Variants in TSHR observed in about 807,000 individuals in gnomAD.
The protein encoded by TSHR is thyrotropin receptor.
Under a neutral mutation model 64.1 loss-of-function variants are expected in TSHR, and 51 were observed. That is an observed-to-expected ratio of 0.80 (90% CI 0.64 to 1.01). TSHR has a LOEUF of 1.01. TSHR is among the 50% of genes least tolerant of loss of function. The pLI is 0.00. For missense variants in TSHR, 877 were observed against 942.8 expected, an observed-to-expected ratio of 0.93 and a Z score of 0.91; for synonymous variants, 361 against 361.9, an observed-to-expected ratio of 1.00 and a Z score of 0.03.
At chr14:81,000,485 T>G (rs1252560134) in intron 1 of TSHR, among the ~76,000 whole-genome samples, 1 of 152,130 alleles carries the variant, frequency 6.6e-6, no homozygotes, top group Non-Finnish European at 1.5e-5. Context: ...CTGGGATCCT[T>G]GTGGCCTGAA....
At chr14:81,013,260 G>A (rs921923044) in intron 1 of TSHR, 12 of 152,138 alleles carry the variant, frequency 7.9e-5, no homozygotes, top group African/African-American at 1.9e-4. Flanking sequence ...GTAGATATGC[G>A]GCGTTATTTC....
At chr14:80,974,129 C>T (rs865950528) in intron 1 of TSHR, among the ~76,000 whole-genome samples, 13 of 152,138 alleles carry the variant, frequency 8.5e-5, no homozygotes, top group Non-Finnish European at 1.3e-4. Context: ...ATTACTAATG[C>T]GGTGGTAGGT....
intron 3 of TSHR, chr14:81,087,684 A>G (rs1307383050): frequency 1.3e-5 from 6 of 457,938 alleles, no homozygotes; most frequent in Non-Finnish European, 2.4e-5. Context: ...TTCTGATACT[A>G]CAATTAAGAA....
chr14:81,064,214 C>G (rs1179902210), intron 2 of TSHR, among the ~76,000 whole-genome samples: 1 of 151,898 alleles, frequency 6.6e-6, no homozygotes, highest in Non-Finnish European at 1.5e-5. Flanking sequence ...TGATGCAGTG[C>G]CCAAAGTACA....
intron 3 of TSHR, among the ~76,000 whole-genome samples, chr14:81,075,699 A>G (rs1165005602): frequency 1.4e-5 from 2 of 140,142 alleles, no homozygotes; most frequent in South Asian, 4.5e-4. Context: ...TGTTGGTGGG[A>G]CTGTAAACTA....
intron 1 of TSHR, among the ~76,000 whole-genome samples, chr14:81,056,765 C>T (rs1885836113): frequency 6.6e-6 from 1 of 152,146 alleles, no homozygotes; most frequent in Non-Finnish European, 1.5e-5. Flanking sequence ...TACATAATAA[C>T]TCACAAATCC....
chr14:81,046,912 C>T (rs1337452445), intron 1 of TSHR, among the ~76,000 whole-genome samples: 2 of 152,102 alleles, frequency 1.3e-5, no homozygotes, highest in African/African-American at 4.8e-5. Context: ...AACAGAATAA[C>T]ATCATTAAAG....
intron 1 of TSHR, among the ~76,000 whole-genome samples, chr14:81,054,402 G>A (rs992399816): frequency 1.3e-5 from 2 of 152,216 alleles, no homozygotes; most frequent in Admixed American, 1.3e-4. Flanking sequence ...CTGGGAATGG[G>A]TTGCTGCTGA....
intron 1 of TSHR, among the ~76,000 whole-genome samples, chr14:81,058,544 GT>G (rs1187861508): frequency 6.6e-6 from 1 of 152,020 alleles, no homozygotes; most frequent in Admixed American, 6.6e-5. Flanking sequence ...ATGAGGTGAG[GT>G]TTTTTTCTCA....
chr14:80,973,403 C>CAAAAAGAAAAAAAAAAAAAAAAAAA (rs1887688249), intron 1 of TSHR, among the ~76,000 whole-genome samples: 1 of 51,470 alleles, frequency 1.9e-5, no homozygotes, highest in Non-Finnish European at 3.7e-5. Context: ...GACGCTGTCT[C>CAAAAAGAAAAAAAAAAAAAAAAAAA]AAAAAAAAAA....
intron 8 of TSHR, among the ~76,000 whole-genome samples, chr14:81,117,505 G>C: frequency 7.7e-6 from 1 of 129,834 alleles, no homozygotes; most frequent in South Asian, 2.7e-4. Context: ...TCTCTGAATA[G>C]ACCAATAACA....
rs1341841069 is a variant in TSHR, at chr14:81,144,416, A to C, written c.*63A>C. ...CAAAATAATAGTTTCTTGAATATGC[A>C]TTCCAATCCCATGACACCCCCAACA... On this transcript the variant is annotated 3_prime_UTR_variant, in exon 10 of 10. Transcript: ENST00000298171. The C allele has an allele frequency of 6.5e-6, 10 of 1,545,174 alleles. No individual in the cohort carries two copies. Among genetic ancestry groups the C allele is most frequent in the Non-Finnish European group, 8.9e-6 (10 of 1,123,520 alleles).
At chr14:81,005,739 T>C (rs1889567178) in intron 1 of TSHR, among the ~76,000 whole-genome samples, 1 of 152,216 alleles carries the variant, frequency 6.6e-6, no homozygotes, top group Non-Finnish European at 1.5e-5. Context: ...GCGGAGCTAC[T>C]GAAGTTTTCG....
rs73338251 is a variant in TSHR, at chr14:81,108,727, T to A, written c.692+275T>A. ...TTGGTGTACATGCTCACAGAGGCTCTGTTCATGGAGCAGCTGCTGTTTGAA... is the reference window on the plus strand; with the variant it reads ...TTGGTGTACATGCTCACAGAGGCTCAGTTCATGGAGCAGCTGCTGTTTGAA... On this transcript the variant is annotated intron_variant, in intron 8 of 9. Coordinates refer to ENST00000298171, the MANE Select transcript of TSHR (RefSeq NM_000369.5). The A allele has an allele frequency of 5.9e-4, 958 of 1,613,246 alleles. 7 individuals are homozygous for A. In the African/African-American group the frequency reaches 0.012, roughly 20 times the overall value.
At chr14:81,121,690 C>A (rs915171705) in intron 8 of TSHR, among the ~76,000 whole-genome samples, 1 of 152,042 alleles carries the variant, frequency 6.6e-6, no homozygotes, top group African/African-American at 2.4e-5. Context: ...GCCTGTAATC[C>A]CAGCACTCTG....
intron 1 of TSHR, among the ~76,000 whole-genome samples, chr14:81,007,404 A>G (rs1889658398): frequency 6.6e-6 from 1 of 152,148 alleles, no homozygotes; most frequent in Non-Finnish European, 1.5e-5. Flanking sequence ...GATGGCCCTG[A>G]GAGTTTTGAG....
Position 81,145,939 on chromosome 14 carries a change from C to T in TSHR, c.*1586C>T, listed in dbSNP as rs573405186. ...TTGTTGTTTTAAGATTGTGAAGTGT[C>T]GTTAATGGGTCCCCACAGATGGTCC... is the stretch of plus-strand genomic sequence containing the variant. On this transcript the variant is annotated 3_prime_UTR_variant, in exon 10 of 10. Coordinates refer to ENST00000298171, the MANE Select transcript of TSHR (RefSeq NM_000369.5). 25 of 232,160 alleles carry T rather than the reference C, an allele frequency of 1.1e-4. No homozygotes were observed. The highest frequency in any genetic ancestry group is 4.4e-4 in the African/African-American group (20 of 45,384). 14.4% of individuals were successfully genotyped at this position (232,160 alleles called of 1,614,324 possible).
At chr14:81,084,087 G>A (rs1181538202) in intron 3 of TSHR, among the ~76,000 whole-genome samples, 1 of 152,130 alleles carries the variant, frequency 6.6e-6, no homozygotes, top group Admixed American at 6.6e-5. Context: ...CCCAACACAT[G>A]GAGATTACAA....
At chr14:81,140,576 C>A (rs759200617) in intron 9 of TSHR, among the ~76,000 whole-genome samples, 2 of 152,140 alleles carry the variant, frequency 1.3e-5, no homozygotes, top group Non-Finnish European at 2.9e-5. Context: ...TATGAGCCTG[C>A]GAAGGAGGAA....
Sources: allele counts gnomAD v4.1 joint callset (sites outside exome capture counted in the v4.1 genomes callset), GRCh38; gene constraint gnomAD v4.1.1; transcripts MANE v1.5; gene names NCBI Gene and HGNC (gene_info 2026-07-23, HGNC 2026-07-21).